Variants in USP34 observed in about 807,000 individuals in gnomAD.
USP34 encodes the protein ubiquitin carboxyl-terminal hydrolase 34.
A neutral mutation model predicts 460.3 loss-of-function variants in USP34; 70 were observed. The ratio of observed to expected loss-of-function variants is 0.15; its 90% CI spans 0.13 to 0.19. USP34 has a LOEUF of 0.19. Among genes scored for constraint, USP34 ranks in the 10% least tolerant of loss-of-function variants. The pLI is 1.00. For synonymous variants in USP34, 1,647 were observed against 1,405.3 expected (o/e 1.17, Z -3.85); for missense variants, 3,985 against 4,236.2 (o/e 0.94, Z 1.65).
At chr2:61,213,986 C>T in intron 68 of USP34, 74 bp downstream of exon 68, 1 of 1,561,910 alleles carries the variant, frequency 6.4e-7, no homozygotes, top group Non-Finnish European at 8.7e-7. Context: ...TCTGCCACCA[C>T]TTCCCACCAG....
At chr2:61,377,714 G>T (rs1284955325) in intron 8 of USP34, among the ~76,000 whole-genome samples, 2 of 152,172 alleles carry the variant, frequency 1.3e-5, no homozygotes, top group African/African-American at 4.8e-5. Flanking sequence ...ATAAATTTCT[G>T]TTGTTTATAA....
intron 15 of USP34, chr2:61,346,261 G>A (rs1464330488): frequency 1.3e-5 from 2 of 151,532 alleles, no homozygotes; most frequent in African/African-American, 2.4e-5. Context: ...GCTTACGCCT[G>A]TAATCCCAGA....
At chr2:61,376,163 A>C (rs1032782021) in intron 8 of USP34, among the ~76,000 whole-genome samples, 9 of 146,338 alleles carry the variant, frequency 6.2e-5, no homozygotes, top group Non-Finnish European at 1.3e-4. Context: ...TTACTATTAT[A>C]AAATTCATTG....
intron 1 of USP34, among the ~76,000 whole-genome samples, chr2:61,468,970 A>G (rs1695865881): frequency 6.6e-6 from 1 of 152,200 alleles, no homozygotes; most frequent in Admixed American, 6.5e-5. Context: ...GCACTTTGGG[A>G]GGCCGAGGCA....
chr2:61,281,889 G>T (rs763565303), intron 37 of USP34, among the ~76,000 whole-genome samples: 2 of 152,138 alleles, frequency 1.3e-5, no homozygotes, highest in African/African-American at 4.8e-5. Flanking sequence ...AACTTCAATC[G>T]GAATATTCTA....
intron 51 of USP34, among the ~76,000 whole-genome samples, chr2:61,243,869 A>G (rs1253094316): frequency 6.6e-6 from 1 of 151,346 alleles, no homozygotes; most frequent in Non-Finnish European, 1.5e-5. Flanking sequence ...ACTGTCTCAA[A>G]AAAAAAAAAA....
intron 8 of USP34, 33 bp from the exon 9 acceptor site, chr2:61,370,612 A>G: frequency 6.3e-7 from 1 of 1,588,042 alleles, no homozygotes; most frequent in Non-Finnish European, 8.6e-7. Flanking sequence ...GTACATTAAA[A>G]AAAATTGTCA....
intron 5 of USP34, among the ~76,000 whole-genome samples, chr2:61,388,070 A>T (rs1693222092): frequency 1.3e-5 from 2 of 151,976 alleles, no homozygotes; most frequent in African/African-American, 2.4e-5. Flanking sequence ...GTTTGAGATC[A>T]GCCAGGACAA....
At chr2:61,244,592 C>T (rs1164695837) in intron 51 of USP34, among the ~76,000 whole-genome samples, 2 of 145,594 alleles carry the variant, frequency 1.4e-5, no homozygotes, top group East Asian at 2.0e-4. Flanking sequence ...CCAGTCTGGG[C>T]GACACAGCAA....
At chr2:61,193,029 A>G in intron 75 of USP34, 49 bp from the exon 76 acceptor site, 1 of 1,412,226 alleles carries the variant, frequency 7.1e-7, no homozygotes, top group Non-Finnish European at 9.9e-7. Flanking sequence ...AAATTATACT[A>G]GTGAGATACT....
rs1558571315 is a variant in USP34, at chr2:61,398,544, G to GGGGAAGGAGGCGGAAGCA, written c.553-3312_553-3311insTGCTTCCGCCTCCTTCCC. ...CGGAAGCGGGGAAGGAGGCGGAAGC[G>GGGGAAGGAGGCGGAAGCA]GGGGAAGGAGGCGGAAGCGGGAAGA... On this transcript the variant is annotated intron_variant, in intron 3 of 79. Coordinates refer to ENST00000398571, the MANE Select transcript of USP34 (RefSeq NM_014709.4). Among the ~76,000 whole-genome samples, 9 of 95,590 alleles carry GGGGAAGGAGGCGGAAGCA rather than the reference G, an allele frequency of 9.4e-5. No homozygotes were observed. In the East Asian group the frequency reaches 3.6e-3, roughly 38 times the overall value. The allele number at this position is 95,590 out of a possible 152,430, so 62.7% of individuals were successfully genotyped here.
At position 61,383,258 on chromosome 2, in the gene USP34, T is replaced by G. The variant is rs982189209; in HGVS notation, c.821+11A>C. On this transcript the variant is annotated intron_variant, in intron 6 of 79. Transcript: ENST00000398571. The stretch of plus-strand genomic sequence containing the variant: ...CTGATAATCGGGGGTAAAGAAATTT[T>G]ATAAACTTACCTAATAACATAGGTC... 1.7e-5 allele frequency: 27 copies of G among 1,581,760 alleles called. 1 individual carries two copies. The highest frequency in any genetic ancestry group is 1.7e-4 in the Middle Eastern group (1 of 5,778).
At chr2:61,285,012 C>T in intron 34 of USP34, 55 bp from the exon 35 acceptor site, 1 of 1,409,708 alleles carries the variant, frequency 7.1e-7, no homozygotes, top group Non-Finnish European at 9.7e-7. Flanking sequence ...GGAAAACCCT[C>T]AAAAAGCACT....
Position 61,203,195 on chromosome 2 carries a change from T to C in USP34, c.9453A>G (p.Leu3151=), listed in dbSNP as rs1687025270. Residue 3151 remains leucine, a synonymous_variant, in exon 75 of 80, where the codon CTA becomes CTG. Coordinates refer to ENST00000398571, the MANE Select transcript of USP34 (RefSeq NM_014709.4). ...YFFSYHQFIH[L]LCRVAINCEK... is the part of the protein sequence containing the mutation. ...CACAGTTGATTGCAACTCGGCATAA[T>C]AGATGGATGAACTGATGATAAGAAA... 6.2e-7 allele frequency: 1 copy of C among 1,603,120 alleles called. No homozygotes were observed. The highest frequency in any genetic ancestry group is 1.4e-5 in the African/African-American group (1 of 73,890).
In USP34 at chr2:61,206,742, A is replaced by T. The variant is rs767329200; in HGVS notation, c.9046+18T>A. 1.9e-6 allele frequency: 3 copies of T among 1,610,438 alleles called. No homozygotes were observed. Among genetic ancestry groups the T allele is most frequent in the East Asian group, 2.3e-5 (1 of 44,406 alleles). On this transcript the variant is annotated intron_variant, in intron 71 of 79. Transcript: ENST00000398571. ...ACTAGTAGCACGAACAAAACATAAG[A>T]AGTAGGAATGAGCAAACCTTTTCTC...
At chr2:61,278,020 G>A (rs1689423328) in intron 41 of USP34, 145 bp downstream of exon 41, 2 of 1,052,432 alleles carry the variant, frequency 1.9e-6, no homozygotes, top group South Asian at 1.9e-5. Flanking sequence ...ATGGAACTCT[G>A]AGTCGAATTA....
intron 3 of USP34, 30 bp from the exon 4 acceptor site, chr2:61,395,263 T>C (rs757902113): frequency 3.1e-6 from 4 of 1,296,640 alleles, no homozygotes; most frequent in South Asian, 2.6e-5. Context: ...CAAGTAAAAT[T>C]AGGTTACAAC....
chr2:61,379,554 TGTAAA>T (rs1221352964), intron 7 of USP34, among the ~76,000 whole-genome samples: 1 of 151,666 alleles, frequency 6.6e-6, no homozygotes, highest in African/African-American at 2.4e-5. Flanking sequence ...AACCCAGAAA[TGTAAA>T]GGAGTAAAGC....
rs764973572 is a variant in USP34, at chr2:61,325,433, T to A, written c.2955A>T (p.Gln985His). ...HALYSHSAEVQVRLQFLTCVF... is the reference protein window; with the variant it reads ...HALYSHSAEVHVRLQFLTCVF... ...CACAAGTCAAGAATTGAAGACGAAC[T>A]TGAACTTCAGCACTATGGCTGTACC... is the stretch of plus-strand genomic sequence containing the variant. Residue 985 changes from glutamine (Q) to histidine (H), a missense_variant, in exon 21 of 80, where the codon CAA (glutamine) becomes CAT (histidine). Physicochemically the swap from Gln to His is conservative, Grantham distance 24. Around this residue, in one of 14 missense-constraint regions of USP34, gnomAD observed 1,114 missense variants for 1,122.5 expected, o/e 0.99. Transcript: ENST00000398571. 6.4e-7 allele frequency: 1 copy of A among 1,553,552 alleles called. No homozygotes were observed. The highest frequency in any genetic ancestry group is 8.6e-7 in the Non-Finnish European group (1 of 1,159,674).
Sources: gnomAD v4.1 joint callset for allele counts (sites outside exome capture counted in the v4.1 genomes callset) on GRCh38, gnomAD v4.1.1 for gene constraint, gnomAD v4.1.1 regional missense constraint, MANE v1.5 for transcripts, NCBI Gene and HGNC (gene_info 2026-07-23, HGNC 2026-07-21) for gene names.